AGMO: variants seen among roughly 807,000 people sequenced by gnomAD.
AGMO encodes the protein alkylglycerol monooxygenase, also known as glyceryl-ether monooxygenase.
In AGMO, 75 loss-of-function variants were observed where a neutral mutation model predicts 60.2. The ratio of observed to expected loss-of-function variants is 1.25; its 90% CI spans 1.03 to 1.51. The LOEUF (loss-of-function observed/expected upper bound fraction) is 1.51. Among genes scored for constraint, AGMO ranks in the 40% most tolerant of loss-of-function variants. The pLI is 0.00. For missense variants in AGMO, 763 were observed against 525.5 expected, an observed-to-expected ratio of 1.45 and a Z score of -4.42; for synonymous variants, 261 against 177.1, an observed-to-expected ratio of 1.47 and a Z score of -3.76.
At chr7:15,335,585 G>A (rs766066259) in intron 12 of AGMO, among the ~76,000 whole-genome samples, 5 of 152,092 alleles carry the variant, frequency 3.3e-5, no homozygotes, top group Non-Finnish European at 7.4e-5. Context: ...TGGTAAACCT[G>A]CCAGCATCTT....
chr7:15,313,036 A>C (rs1780814751), intron 12 of AGMO, among the ~76,000 whole-genome samples: 1 of 152,212 alleles, frequency 6.6e-6, no homozygotes, highest in Non-Finnish European at 1.5e-5. Flanking sequence ...GAGATAATAA[A>C]GAATGCAGAG....
intron 6 of AGMO, 147 bp downstream of exon 6, chr7:15,393,966 A>G: frequency 2.7e-6 from 1 of 366,486 alleles, no homozygotes; most frequent in Non-Finnish European, 4.7e-6. Flanking sequence ...GGCTTGTACC[A>G]AAGAAGATAG....
chr7:15,183,976 T>C, the AGMO span, among the ~76,000 whole-genome samples: 1 of 152,184 alleles, frequency 6.6e-6, no homozygotes, highest in South Asian at 2.1e-4. Flanking sequence ...AAGCAAATTT[T>C]AATTAGGCAG....
intron 2 of AGMO, among the ~76,000 whole-genome samples, chr7:15,546,343 A>G (rs1182741559): frequency 6.6e-6 from 1 of 152,222 alleles, no homozygotes; most frequent in Non-Finnish European, 1.5e-5. Flanking sequence ...TTGAGATTAC[A>G]TGGTTGGAAG....
chr7:15,144,912 CTCCGCCTTCCGGGT>C, the AGMO span, among the ~76,000 whole-genome samples: 11 of 152,234 alleles, frequency 7.2e-5, no homozygotes, highest in African/African-American at 2.2e-4. Context: ...TCACTGCAAG[CTCCGCCTTCCGGGT>C]TCACGCCATT....
chr7:15,233,326 G>T (rs1782314159), intron 12 of AGMO, among the ~76,000 whole-genome samples: 1 of 152,074 alleles, frequency 6.6e-6, no homozygotes, highest in South Asian at 2.1e-4. Context: ...GGCTGGATTG[G>T]GTATTAGGAA....
intron 12 of AGMO, among the ~76,000 whole-genome samples, chr7:15,315,927 T>C (rs1780909349): frequency 6.6e-6 from 1 of 152,150 alleles, no homozygotes; most frequent in South Asian, 2.1e-4. Flanking sequence ...TACAAGACCA[T>C]TCTAATATCT....
At chr7:15,190,428 A>G in the AGMO span, among the ~76,000 whole-genome samples, 1 of 152,076 alleles carries the variant, frequency 6.6e-6, no homozygotes, top group East Asian at 1.9e-4. Flanking sequence ...CATACTTCAT[A>G]TAAAACTTTG....
intron 2 of AGMO, among the ~76,000 whole-genome samples, chr7:15,555,292 TAC>T (rs58173194): frequency 0.15 from 13,871 of 95,150 alleles, 873 homozygotes; most frequent in Middle Eastern, 0.18. Context: ...TATATATATA[TAC>T]ACACACACAC....
At chr7:15,434,531 A>G (rs1781344826) in intron 3 of AGMO, among the ~76,000 whole-genome samples, 1 of 152,110 alleles carries the variant, frequency 6.6e-6, no homozygotes, top group African/African-American at 2.4e-5. Context: ...GAAGAAATAC[A>G]TATGTCAGGG....
intron 12 of AGMO, among the ~76,000 whole-genome samples, chr7:15,347,942 C>T (rs1249864807): frequency 2.0e-5 from 3 of 152,012 alleles, no homozygotes. Context: ...ATGTCAAAAG[C>T]AACTGCTTAT....
chr7:15,182,672 C>T, the AGMO span, among the ~76,000 whole-genome samples: 1 of 152,300 alleles, frequency 6.6e-6, no homozygotes, highest in South Asian at 2.1e-4. Context: ...CTGTCTTTGC[C>T]TCCCAAAGTG....
At chr7:15,319,432 T>C (rs1046932891) in intron 12 of AGMO, among the ~76,000 whole-genome samples, 1 of 152,084 alleles carries the variant, frequency 6.6e-6, no homozygotes, top group Non-Finnish European at 1.5e-5. Context: ...GGACTGGGGA[T>C]CCAAAGAGAT....
intron 12 of AGMO, among the ~76,000 whole-genome samples, chr7:15,230,422 C>CT (rs1782225960): frequency 6.6e-6 from 1 of 152,146 alleles, no homozygotes; most frequent in Non-Finnish European, 1.5e-5. Context: ...TTACAAAGGC[C>CT]TGACAGGTCC....
At chr7:15,232,308 G>A (rs534862683) in intron 12 of AGMO, among the ~76,000 whole-genome samples, 2 of 152,248 alleles carry the variant, frequency 1.3e-5, no homozygotes, top group South Asian at 2.1e-4. Context: ...TAGGAAACAG[G>A]GCTTGTGAAG....
intron 5 of AGMO, 22 bp downstream of exon 5, chr7:15,418,536 C>G: frequency 6.8e-7 from 1 of 1,464,688 alleles, no homozygotes; most frequent in African/African-American, 1.4e-5. Context: ...ATAAAACTTA[C>G]AAAGATAAAA....
At chr7:15,419,224 G>C (rs1030035800) in intron 4 of AGMO, among the ~76,000 whole-genome samples, 1 of 151,898 alleles carries the variant, frequency 6.6e-6, no homozygotes, top group East Asian at 1.9e-4. Flanking sequence ...GTTCCATGGT[G>C]AAAAAAATTT....
At chr7:15,159,605 G>A in the AGMO span, among the ~76,000 whole-genome samples, 1 of 152,134 alleles carries the variant, frequency 6.6e-6, no homozygotes. Flanking sequence ...AGCACAACAT[G>A]AAAGAATCTG....
chr7:15,197,817 C>T (rs1337486451), downstream of AGMO, among the ~76,000 whole-genome samples: 7 of 152,276 alleles, frequency 4.6e-5, no homozygotes, highest in South Asian at 1.5e-3. Flanking sequence ...AACTCCTCAG[C>T]TTATACTTTT....
Sources: gnomAD v4.1 joint callset for allele counts (sites outside exome capture counted in the v4.1 genomes callset) on GRCh38, gnomAD v4.1.1 for gene constraint, MANE v1.5 for transcripts, NCBI Gene and HGNC (gene_info 2026-07-23, HGNC 2026-07-21) for gene names.